RABGEF1: variants seen among roughly 807,000 people sequenced by gnomAD.
The protein encoded by RABGEF1 is rab5 GDP/GTP exchange factor.
A neutral mutation model predicts 57.3 loss-of-function variants in RABGEF1; 26 were observed. That is an observed-to-expected ratio of 0.45 (90% confidence interval 0.33 to 0.63). RABGEF1 has a LOEUF of 0.63. Among genes scored for constraint, RABGEF1 ranks in the 20% least tolerant of loss-of-function variants. The pLI is 0.02. For missense variants in RABGEF1, 464 were observed against 607.6 expected (o/e 0.76, Z 2.48); for synonymous variants, 185 against 210.7 (o/e 0.88, Z 1.06).
chr7:66,676,078 T>C, the RABGEF1 span, among the ~76,000 whole-genome samples: 1 of 152,116 alleles, frequency 6.6e-6, no homozygotes, highest in Admixed American at 6.6e-5. Flanking sequence ...CCCAGCACTT[T>C]GGGAGGCCGT....
At chr7:66,677,010 G>A in the RABGEF1 span, among the ~76,000 whole-genome samples, 4 of 152,160 alleles carry the variant, frequency 2.6e-5, no homozygotes, top group Non-Finnish European at 4.4e-5. Context: ...CCAAAGTCAT[G>A]AAGCTTTACC....
chr7:66,723,815 G>C (rs538715495), intron 2 of RABGEF1, among the ~76,000 whole-genome samples: 1 of 123,690 alleles, frequency 8.1e-6, no homozygotes, highest in Non-Finnish European at 1.9e-5. Flanking sequence ...CCTGACCTCA[G>C]GTGATCTGCC....
At chr7:66,770,710 C>T (rs1011389040) in intron 1 of RABGEF1, among the ~76,000 whole-genome samples, 1 of 152,192 alleles carries the variant, frequency 6.6e-6, no homozygotes, top group African/African-American at 2.4e-5. Flanking sequence ...TCCTGAACTC[C>T]TAGCCTCAAG....
chr7:66,711,769 G>T, intron 1 of RABGEF1, among the ~76,000 whole-genome samples: 1 of 151,938 alleles, frequency 6.6e-6, no homozygotes, highest in African/African-American at 2.4e-5. Flanking sequence ...TGTATTTTTA[G>T]TAGAGACGGA....
chr7:66,683,050 A>G (rs1790028815), intron 1 of RABGEF1, among the ~76,000 whole-genome samples: 1 of 151,686 alleles, frequency 6.6e-6, no homozygotes, highest in South Asian at 2.1e-4. Flanking sequence ...TAAATAGGAA[A>G]TTTTCCCAGG....
intron 1 of RABGEF1, among the ~76,000 whole-genome samples, chr7:66,754,049 C>A (rs1161282159): frequency 6.8e-6 from 1 of 147,462 alleles, no homozygotes; most frequent in African/African-American, 2.5e-5. Context: ...GTTGCCCAGG[C>A]TGGAGTGCTG....
At chr7:66,749,354 CTAAA>C (rs1800903022) in intron 1 of RABGEF1, among the ~76,000 whole-genome samples, 1 of 152,086 alleles carries the variant, frequency 6.6e-6, no homozygotes. Context: ...CTGCCCTTGC[CTAAA>C]TATAGTTATG....
chr7:66,766,593 TGA>T (rs1805775188), intron 1 of RABGEF1, among the ~76,000 whole-genome samples: 1 of 152,142 alleles, frequency 6.6e-6, no homozygotes, highest in African/African-American at 2.4e-5. Context: ...ACAGTAAACT[TGA>T]GAGTTTTTTC....
chr7:66,700,925 G>A (rs1463190211), intron 1 of RABGEF1, among the ~76,000 whole-genome samples: 5 of 152,240 alleles, frequency 3.3e-5, no homozygotes, highest in Non-Finnish European at 5.9e-5. Context: ...CCCTCCCTGG[G>A]TTTGCTCTGG....
chr7:66,678,579 A>AAG (rs1554303798), upstream of RABGEF1, among the ~76,000 whole-genome samples: 2 of 151,662 alleles, frequency 1.3e-5, no homozygotes, highest in African/African-American at 4.8e-5. Context: ...AAAAAAAAAA[A>AAG]AAAAAGAAAA....
In RABGEF1 at chr7:66,709,677, A is replaced by T. The variant is rs1311123193; in HGVS notation, c.-872-2490A>T. 2.0e-5 allele frequency among the ~76,000 whole-genome samples: 3 copies of T among 152,178 alleles called. No individual in the cohort carries two copies. The East Asian group carries it at 5.8e-4, about 29-fold the overall frequency. ...GTAATCCCACCTACTCAGGAGCCTG[A>T]GGCAGGAGAATCGCTTGAACCTGGG... On this transcript the variant is annotated intron_variant and NMD_transcript_variant, in intron 1 of 9. Coordinates refer to the RABGEF1 transcript ENST00000607882.
intron 1 of RABGEF1, among the ~76,000 whole-genome samples, chr7:66,685,627 T>G (rs1439354317): frequency 6.6e-6 from 1 of 152,246 alleles, no homozygotes; most frequent in African/African-American, 2.4e-5. Context: ...CAACCCCAGT[T>G]GGGCACACAA....
At chr7:66,733,661 G>A (rs1797599189) in intron 2 of RABGEF1, among the ~76,000 whole-genome samples, 1 of 151,458 alleles carries the variant, frequency 6.6e-6, no homozygotes, top group African/African-American at 2.4e-5. Context: ...TCGTGCCACT[G>A]CACTCCAGAC....
intron 1 of RABGEF1, among the ~76,000 whole-genome samples, chr7:66,683,692 C>T (rs1242979647): frequency 6.6e-6 from 1 of 151,698 alleles, no homozygotes; most frequent in Non-Finnish European, 1.5e-5. Context: ...GAGGGGGGAA[C>T]CAAAGGAGGG....
intron 1 of RABGEF1, among the ~76,000 whole-genome samples, chr7:66,766,502 C>G (rs1339365552): frequency 6.6e-6 from 1 of 151,914 alleles, no homozygotes; most frequent in Non-Finnish European, 1.5e-5. Flanking sequence ...TCTACCTCAG[C>G]CTTATCTACT....
intron 1 of RABGEF1, among the ~76,000 whole-genome samples, chr7:66,697,038 A>G (rs1333534473): frequency 3.3e-5 from 5 of 152,178 alleles, no homozygotes; most frequent in Non-Finnish European, 7.3e-5. Flanking sequence ...CCCTGACCCC[A>G]TGCCCCAGGG....
intron 2 of RABGEF1, among the ~76,000 whole-genome samples, chr7:66,721,004 A>G (rs572708588): frequency 1.3e-5 from 2 of 152,266 alleles, no homozygotes; most frequent in Admixed American, 1.3e-4. Context: ...TGCAACCTCC[A>G]CTTCCCAGGT....
the RABGEF1 span, among the ~76,000 whole-genome samples, chr7:66,662,054 G>A: frequency 5.3e-5 from 8 of 152,070 alleles, no homozygotes; most frequent in South Asian, 2.1e-4. Flanking sequence ...TTGAGACCAC[G>A]GTGAAACCCC....
intron 1 of RABGEF1, among the ~76,000 whole-genome samples, chr7:66,686,276 G>A (rs1168951080): frequency 2.1e-5 from 3 of 144,414 alleles, no homozygotes; most frequent in Non-Finnish European, 3.0e-5. Context: ...GTGAGACTCT[G>A]TCTCAAAAAA....
Sources: gnomAD v4.1 joint callset for allele counts (sites outside exome capture counted in the v4.1 genomes callset) on GRCh38, gnomAD v4.1.1 for gene constraint, MANE v1.5 for transcripts, NCBI Gene and HGNC (gene_info 2026-07-23, HGNC 2026-07-21) for gene names.